ZFHX3: variants seen among roughly 807,000 people sequenced by gnomAD.
ZFHX3 encodes the protein zinc finger homeobox 3, also known as zinc finger homeobox protein 3.
In ZFHX3, 42 loss-of-function variants were observed where a neutral mutation model predicts 279.1. The ratio of observed to expected loss-of-function variants is 0.15; its 90% CI spans 0.12 to 0.19. ZFHX3 has a LOEUF of 0.19. ZFHX3 is among the 10% of genes least tolerant of loss of function. ZFHX3 has a pLI of 1.00. For missense variants in ZFHX3, 4,981 were observed against 4,754.0 expected (o/e 1.05, Z -1.40); for synonymous variants, 2,293 against 1,957.8 (o/e 1.17, Z -4.52).
At chr16:73,651,854 CAAA>C (rs34470973) in intron 2 of ZFHX3, among the ~76,000 whole-genome samples, 10 of 110,348 alleles carry the variant, frequency 9.1e-5, no homozygotes, top group Admixed American at 9.1e-5. Context: ...GACTCTGTCT[CAAA>C]AAAAAAAAAA....
At chr16:73,045,519 G>C (rs1341113095) in intron 1 of ZFHX3, among the ~76,000 whole-genome samples, 7 of 152,146 alleles carry the variant, frequency 4.6e-5, no homozygotes, top group African/African-American at 1.7e-4. Context: ...GGGGCCTGTG[G>C]AGGGCACCGT....
chr16:73,292,541 A>G (rs1023063607), intron 4 of ZFHX3, among the ~76,000 whole-genome samples: 1 of 152,238 alleles, frequency 6.6e-6, no homozygotes, highest in Non-Finnish European at 1.5e-5. Context: ...TTCTGGAGGT[A>G]ACAGAACAAT....
intron 3 of ZFHX3, among the ~76,000 whole-genome samples, chr16:73,345,784 A>ATC (rs1404265401): frequency 6.6e-6 from 1 of 151,936 alleles, no homozygotes; most frequent in Non-Finnish European, 1.5e-5. Flanking sequence ...AGACCCAGCT[A>ATC]TTTTCAATAT....
At chr16:73,389,755 G>C (rs1195842527) in intron 3 of ZFHX3, among the ~76,000 whole-genome samples, 1 of 152,224 alleles carries the variant, frequency 6.6e-6, no homozygotes, top group East Asian at 1.9e-4. Flanking sequence ...CAGGAAAAGG[G>C]GGACGATCCT....
chr16:73,051,754 A>G (rs963050702), upstream of ZFHX3, among the ~76,000 whole-genome samples: 9 of 152,230 alleles, frequency 5.9e-5, no homozygotes, highest in Admixed American at 5.2e-4. Context: ...GAAAGCCAAA[A>G]TACAGAAGTT....
intron 3 of ZFHX3, among the ~76,000 whole-genome samples, chr16:73,398,217 A>G (rs2017170565): frequency 6.6e-6 from 1 of 152,164 alleles, no homozygotes; most frequent in Non-Finnish European, 1.5e-5. Context: ...GGGGTTCAGG[A>G]GAGATTACTG....
intron 7 of ZFHX3, among the ~76,000 whole-genome samples, chr16:73,096,317 C>G (rs1966162806): frequency 6.6e-6 from 1 of 151,598 alleles, no homozygotes; most frequent in South Asian, 2.1e-4. Context: ...CTCCCTCCAT[C>G]TCGTAGGCGC....
At chr16:73,155,630 C>G (rs1046579055) in intron 5 of ZFHX3, among the ~76,000 whole-genome samples, 1 of 152,070 alleles carries the variant, frequency 6.6e-6, no homozygotes, top group African/African-American at 2.4e-5. Flanking sequence ...CCAGACCAGC[C>G]TGGCCAATGT....
intron 1 of ZFHX3, among the ~76,000 whole-genome samples, chr16:73,879,215 T>TC (rs373882164): frequency 8.6e-4 from 129 of 150,344 alleles, no homozygotes; most frequent in African/African-American, 3.1e-3. Flanking sequence ...TGCAAAAGGT[T>TC]TTTTTTTTCT....
intron 6 of ZFHX3, chr16:73,137,160 C>T (rs1293190204): frequency 6.6e-6 from 1 of 152,124 alleles, no homozygotes; most frequent in African/African-American, 2.4e-5. Context: ...ATCGATACTG[C>T]TTTGTAGATA....
At chr16:73,405,142 GTGT>G (rs1428677929) in intron 3 of ZFHX3, among the ~76,000 whole-genome samples, 1 of 152,178 alleles carries the variant, frequency 6.6e-6, no homozygotes, top group East Asian at 1.9e-4. Flanking sequence ...ACAACCATCA[GTGT>G]TGTTCTGAGC....
At chr16:73,559,267 C>G (rs825689) in intron 2 of ZFHX3, among the ~76,000 whole-genome samples, 54,454 of 151,928 alleles carry the variant, frequency 0.36, 10,827 homozygotes, top group Non-Finnish European at 0.46. Flanking sequence ...AGGCTGGTCT[C>G]AAACTCCTGG....
intron 2 of ZFHX3, among the ~76,000 whole-genome samples, chr16:73,639,241 G>A (rs938283606): frequency 1.3e-5 from 2 of 152,158 alleles, no homozygotes; most frequent in Admixed American, 6.5e-5. Context: ...CTGTGGTCCT[G>A]TCTGAATCTG....
chr16:73,314,976 C>G (rs371667329), intron 4 of ZFHX3, among the ~76,000 whole-genome samples: 1 of 152,162 alleles, frequency 6.6e-6, no homozygotes, highest in Non-Finnish European at 1.5e-5. Context: ...GCCTGTAATT[C>G]CAGCACTTTG....
intron 1 of ZFHX3, among the ~76,000 whole-genome samples, chr16:73,025,227 GACCGCCCTGC>G (rs938801557): frequency 8.5e-5 from 13 of 152,074 alleles, no homozygotes; most frequent in Non-Finnish European, 1.6e-4. Flanking sequence ...TCCCCACAAC[GACCGCCCTGC>G]ACCGCCCTGC....
intron 7 of ZFHX3, among the ~76,000 whole-genome samples, chr16:73,118,337 T>A (rs1442228294): frequency 6.6e-6 from 1 of 152,158 alleles, no homozygotes; most frequent in Non-Finnish European, 1.5e-5. Flanking sequence ...GCCTCCTGAA[T>A]AGCTGGGATT....
rs1316295289 is a variant in ZFHX3, at chr16:72,949,639, AAG to A, written c.3216+828_3216+829del. 3.9e-5 allele frequency among the ~76,000 whole-genome samples: 6 copies of A among 152,080 alleles called. 1 individual carries two copies. The South Asian group carries it at 1.2e-3, about 32-fold the overall frequency. On this transcript the variant is annotated intron_variant, in intron 3 of 9. Transcript: ENST00000268489. ...GGAGAGAAAGAATAAATGGACAGGAAAGAGGGAAGAGGAGAAGAGACAGAGGA... is the reference window on the plus strand; with the variant it reads ...GGAGAGAAAGAATAAATGGACAGGAAAGGGAAGAGGAGAAGAGACAGAGGA...
At chr16:73,322,008 A>C (rs1237354115) in intron 3 of ZFHX3, among the ~76,000 whole-genome samples, 3 of 152,234 alleles carry the variant, frequency 2.0e-5, no homozygotes, top group Non-Finnish European at 2.9e-5. Context: ...GACGCTGAGA[A>C]TAAAACTCGT....
chr16:73,612,490 T>C (rs2052257663), intron 2 of ZFHX3, among the ~76,000 whole-genome samples: 1 of 152,260 alleles, frequency 6.6e-6, no homozygotes, highest in African/African-American at 2.4e-5. Flanking sequence ...GATCATGTTT[T>C]GTAGCTTTTC....
Sources: allele counts gnomAD v4.1 joint callset (sites outside exome capture counted in the v4.1 genomes callset), GRCh38; gene constraint gnomAD v4.1.1; transcripts MANE v1.5; gene names NCBI Gene and HGNC (gene_info 2026-07-23, HGNC 2026-07-21).